The following HS3ST4 variants were observed in gnomAD, a reference collection of about 807,000 sequenced individuals.
The protein encoded by HS3ST4 is heparan sulfate glucosamine 3-O-sulfotransferase 4.
HS3ST4 carries 17 observed loss-of-function variants against 29.2 expected under a neutral mutation model. That is an observed-to-expected ratio of 0.58 (90% CI 0.40 to 0.87). The LOEUF (loss-of-function observed/expected upper bound fraction) is 0.87. HS3ST4 is among the 40% of genes least tolerant of loss of function. The pLI is 0.00. For synonymous variants in HS3ST4, 314 were observed against 285.7 expected, an observed-to-expected ratio of 1.10 and a Z score of -1.00; for missense variants, 627 against 634.5, an observed-to-expected ratio of 0.99 and a Z score of 0.13.
chr16:26,054,315 A>AG, intron 1 of HS3ST4, among the ~76,000 whole-genome samples: 2 of 149,636 alleles, frequency 1.3e-5, no homozygotes, highest in Non-Finnish European at 2.9e-5. Context: ...GAGGAGGAAG[A>AG]AGAAGAAGAA....
chr16:25,861,128 T>A (rs2141654711), intron 1 of HS3ST4, among the ~76,000 whole-genome samples: 1 of 152,360 alleles, frequency 6.6e-6, no homozygotes. Flanking sequence ...GATTTCTGTG[T>A]GGCTAATCAG....
chr16:25,828,244 CT>C (rs1244879917), intron 1 of HS3ST4, among the ~76,000 whole-genome samples: 1 of 35,954 alleles, frequency 2.8e-5, no homozygotes, highest in Non-Finnish European at 5.7e-5. Flanking sequence ...CTTTCTTTCT[CT>C]TTCTTTCTTT....
chr16:25,838,245 T>C (rs1048609227), intron 1 of HS3ST4, among the ~76,000 whole-genome samples: 3 of 152,260 alleles, frequency 2.0e-5, no homozygotes, highest in Non-Finnish European at 4.4e-5. Flanking sequence ...TGCTAAAAGC[T>C]ATCTTAGCTT....
intron 1 of HS3ST4, among the ~76,000 whole-genome samples, chr16:25,809,940 T>C (rs996057842): frequency 2.0e-5 from 3 of 152,084 alleles, no homozygotes. Context: ...AACCAGCTAT[T>C]TGTTTCATTG....
At chr16:26,124,095 T>G (rs993216087) in intron 1 of HS3ST4, among the ~76,000 whole-genome samples, 1 of 152,162 alleles carries the variant, frequency 6.6e-6, no homozygotes, top group Admixed American at 6.5e-5. Context: ...TAATTTTGTA[T>G]TTTTAGTAGA....
At chr16:25,773,800 A>G (rs1433322546) in intron 1 of HS3ST4, among the ~76,000 whole-genome samples, 1 of 152,140 alleles carries the variant, frequency 6.6e-6, no homozygotes, top group Admixed American at 6.5e-5. Flanking sequence ...ACCCCCTGCC[A>G]TCCTCCTCTC....
chr16:25,942,400 C>T (rs561829509), intron 1 of HS3ST4, among the ~76,000 whole-genome samples: 5 of 152,224 alleles, frequency 3.3e-5, no homozygotes, highest in African/African-American at 1.2e-4. Context: ...TATATTTCCT[C>T]CTCTTTGACA....
chr16:26,040,742 T>C (rs571936770), intron 1 of HS3ST4, among the ~76,000 whole-genome samples: 37 of 152,286 alleles, frequency 2.4e-4, no homozygotes, highest in African/African-American at 8.7e-4. Flanking sequence ...AGTTGTGTTA[T>C]GGAAGTCATA....
chr16:25,798,157 C>T (rs1966899553), intron 1 of HS3ST4, among the ~76,000 whole-genome samples: 1 of 152,144 alleles, frequency 6.6e-6, no homozygotes, highest in Non-Finnish European at 1.5e-5. Context: ...GCACTCAGGC[C>T]AACTTCTCTA....
At chr16:25,700,020 T>C (rs1411830308) in intron 1 of HS3ST4, among the ~76,000 whole-genome samples, 1 of 152,172 alleles carries the variant, frequency 6.6e-6, no homozygotes, top group Admixed American at 6.6e-5. Context: ...CCATCAGTAC[T>C]GACGGCCCTA....
intron 1 of HS3ST4, among the ~76,000 whole-genome samples, chr16:26,046,713 G>GTA (rs560229651): frequency 0.022 from 3,341 of 150,196 alleles, 74 homozygotes; most frequent in African/African-American, 0.058. Context: ...GTATATATGT[G>GTA]TATATATATA....
chr16:25,815,757 G>A (rs1389351967), intron 1 of HS3ST4, among the ~76,000 whole-genome samples: 2 of 152,128 alleles, frequency 1.3e-5, no homozygotes, highest in Non-Finnish European at 2.9e-5. Flanking sequence ...TTTTGCCCAA[G>A]GATTTTTAGA....
At chr16:25,999,811 AT>A (rs1166198477) in intron 1 of HS3ST4, among the ~76,000 whole-genome samples, 2 of 136,536 alleles carry the variant, frequency 1.5e-5, no homozygotes, top group Admixed American at 8.1e-5. Context: ...TTATATGTAT[AT>A]TTTATATATA....
At chr16:25,732,122 TG>T (rs1480038479) in intron 1 of HS3ST4, among the ~76,000 whole-genome samples, 1 of 152,230 alleles carries the variant, frequency 6.6e-6, no homozygotes, top group Non-Finnish European at 1.5e-5. Flanking sequence ...ATCAGGCTGC[TG>T]GCTTTCCATA....
At chr16:26,005,424 GT>G (rs1384655247) in intron 1 of HS3ST4, among the ~76,000 whole-genome samples, 5 of 152,136 alleles carry the variant, frequency 3.3e-5, no homozygotes, top group African/African-American at 1.2e-4. Flanking sequence ...GTGTTAATTG[GT>G]TTGTGTTTAG....
intron 1 of HS3ST4, among the ~76,000 whole-genome samples, chr16:25,719,970 C>T (rs191586389): frequency 9.9e-4 from 150 of 152,220 alleles, no homozygotes; most frequent in Middle Eastern, 3.4e-3. Flanking sequence ...AGGTTCTTTC[C>T]GTGAGTGTTA....
At chr16:26,070,844 A>G (rs767485047) in intron 1 of HS3ST4, among the ~76,000 whole-genome samples, 1 of 152,140 alleles carries the variant, frequency 6.6e-6, no homozygotes, top group Non-Finnish European at 1.5e-5. Flanking sequence ...CCATTTTTTA[A>G]AAAAGGCATT....
intron 1 of HS3ST4, among the ~76,000 whole-genome samples, chr16:25,954,298 A>AT (rs1968707538): frequency 6.6e-6 from 1 of 152,202 alleles, no homozygotes; most frequent in African/African-American, 2.4e-5. Context: ...AGTAATAATG[A>AT]TAGTAAAGGC....
rs185416172 is a variant in HS3ST4, at chr16:26,135,121, G to T, written c.735-491G>T. Among the ~76,000 whole-genome samples the T allele has an allele frequency of 3.5e-3, 533 of 152,144 alleles. 3 individuals are homozygous for T. The highest frequency in any genetic ancestry group is 0.012 in the African/African-American group (507 of 41,512). On this transcript the variant is annotated intron_variant, in intron 1 of 1. Transcript: ENST00000331351. ...AGTTTGCCAATCCTGGACTAGATAA[G>T]CTTTGAGGTCTTGTTGAGCTCAAAG...
Sources: allele counts gnomAD v4.1 joint callset (sites outside exome capture counted in the v4.1 genomes callset), GRCh38; gene constraint gnomAD v4.1.1; transcripts MANE v1.5; gene names NCBI Gene and HGNC (gene_info 2026-07-23, HGNC 2026-07-21).